The following ZNF3 variants were observed in gnomAD, a reference collection of about 807,000 sequenced individuals.
ZNF3 encodes zinc finger protein 3.
ZNF3 carries 16 observed loss-of-function variants against 36.9 expected under a neutral mutation model. The ratio of observed to expected loss-of-function variants is 0.43; its 90% CI spans 0.29 to 0.66. The LOEUF (loss-of-function observed/expected upper bound fraction) is 0.66. Among genes scored for constraint, ZNF3 ranks in the 30% least tolerant of loss-of-function variants. The pLI is 0.13. For synonymous variants in ZNF3, 201 were observed against 201.9 expected (o/e 1.00, Z 0.04); for missense variants, 462 against 543.1 (o/e 0.85, Z 1.48).
chr7:100,079,980 G>C (rs1156913959), intron 1 of ZNF3, among the ~76,000 whole-genome samples: 2 of 151,984 alleles, frequency 1.3e-5, no homozygotes, highest in Non-Finnish European at 2.9e-5. Flanking sequence ...TGGGATTACA[G>C]GCATGAGCCA....
intron 2 of ZNF3, chr7:100,079,249 A>AG (rs1168591365): frequency 6.6e-6 from 1 of 152,274 alleles, no homozygotes; most frequent in Non-Finnish European, 1.5e-5. Context: ...ACAAACTCCT[A>AG]GAAAGGCAGG....
downstream of ZNF3, among the ~76,000 whole-genome samples, chr7:100,065,671 C>T (rs1455087249): frequency 1.3e-5 from 2 of 151,682 alleles, no homozygotes; most frequent in Admixed American, 1.3e-4. Flanking sequence ...CTTTGATTGG[C>T]TGGGGAAGGG....
intron 3 of ZNF3, among the ~76,000 whole-genome samples, chr7:100,076,811 C>T (rs753744751): frequency 1.6e-4 from 24 of 152,142 alleles, no homozygotes; most frequent in Non-Finnish European, 2.2e-4. Context: ...AGTGGCCAGG[C>T]GCGGTGGGTC....
downstream of ZNF3, among the ~76,000 whole-genome samples, chr7:100,065,432 A>T (rs1792597694): frequency 6.6e-6 from 1 of 152,080 alleles, no homozygotes; most frequent in Admixed American, 6.6e-5. Context: ...TCAAAAAAAA[A>T]AAAAATAAAG....
chr7:100,079,921 T>G (rs1424152189), intron 1 of ZNF3, among the ~76,000 whole-genome samples: 1 of 152,100 alleles, frequency 6.6e-6, no homozygotes, highest in East Asian at 1.9e-4. Flanking sequence ...CAGGCTGGTC[T>G]CAATCTCCTG....
chr7:100,077,502 C>G, intron 2 of ZNF3, 69 bp from the exon 3 acceptor site: 2 of 1,467,530 alleles, frequency 1.4e-6, no homozygotes, highest in Middle Eastern at 3.8e-4. Context: ...AAGATGGGAG[C>G]TAGTATTTCA....
chr7:100,069,677 G>A (rs531085193), downstream of ZNF3, among the ~76,000 whole-genome samples: 20 of 151,464 alleles, frequency 1.3e-4, no homozygotes, highest in South Asian at 4.2e-3. Flanking sequence ...TCAATGGCGC[G>A]ATCTCAGCTC....
Position 100,071,982 on chromosome 7 carries a change from C to T in ZNF3, c.502G>A (p.Gly168Arg). The part of the protein sequence containing the change: ...VTVEEKLTPR[G>R]ERSEKYNDFG... ...TCATTATATTTCTCGCTTCTCTCTC[C>T]CCTGGGGGTTAGCTTCTCCTCAACT... The change falls in exon 6 of 6, where the codon GGA becomes AGA. Residue 168 changes from glycine (G) to arginine (R), a missense_variant. Transcript: ENST00000299667. The T allele has an allele frequency of 2.5e-6, 4 of 1,614,116 alleles. No individual in the cohort carries two copies. Among genetic ancestry groups the T allele is most frequent in the Non-Finnish European group, 3.4e-6 (4 of 1,179,998 alleles).
chr7:100,072,978 G>T (rs756139674), intron 5 of ZNF3, among the ~76,000 whole-genome samples: 1 of 152,256 alleles, frequency 6.6e-6, no homozygotes, highest in South Asian at 2.1e-4. Flanking sequence ...TGTTAGGGAC[G>T]GGAACGGCTG....
chr7:100,067,102 G>A (rs576477946), downstream of ZNF3, among the ~76,000 whole-genome samples: 3 of 152,264 alleles, frequency 2.0e-5, no homozygotes, highest in East Asian at 5.8e-4. Context: ...TGTCCACTTT[G>A]CCTGTGATAG....
intron 2 of ZNF3, 26 bp from the exon 3 acceptor site, chr7:100,077,459 A>G: frequency 6.3e-7 from 1 of 1,586,678 alleles, no homozygotes; most frequent in Non-Finnish European, 8.6e-7. Flanking sequence ...TTCAAGGTTC[A>G]AAGATAATTC....
chr7:100,071,548 G>A lies in ZNF3; in HGVS notation c.936C>T (p.Tyr312=), dbSNP rs370884324. ...AGGCCTTCCCACATTCATTGCAGGC[G>A]TAGGGTTTCTCACCAGTGTGGATTC... ...HQRIHTGEKP[Y]ACNECGKAFS... Residue 312 remains tyrosine (Y), a synonymous_variant, in exon 6 of 6, where the codon TAC becomes TAT. Coordinates refer to ENST00000299667, the MANE Select transcript of ZNF3 (RefSeq NM_032924.5). 3.8e-5 allele frequency: 62 copies of A among 1,612,256 alleles called. No homozygotes were observed. Among genetic ancestry groups the A allele is most frequent in the Middle Eastern group, 1.7e-4 (1 of 6,032 alleles).
chr7:100,072,217 C>G lies in ZNF3; in HGVS notation c.272-5G>C. 1 of 1,564,754 alleles carries G rather than the reference C, an allele frequency of 6.4e-7. No individual in the cohort carries two copies. Among genetic ancestry groups the G allele is most frequent in the Non-Finnish European group, 8.6e-7 (1 of 1,161,150 alleles). The stretch of plus-strand genomic sequence containing the variant: ...TTTCAGTCCTGGTCTCACGATCTGA[C>G]ACAATAAAAAATGCAAATGTCACTT... On this transcript the variant is annotated splice_polypyrimidine_tract_variant and splice_region_variant and intron_variant, in intron 5 of 5. Transcript: ENST00000299667.
At position 100,072,197 on chromosome 7, in the gene ZNF3, G is replaced by A. The variant is rs1236680689; in HGVS notation, c.287C>T (p.Thr96Ile). ...TTCAGAAATTTCTTGATCATTTTCA[G>A]TCCTGGTCTCACGATCTGACACAAT... ...NVFSLDRETR[T>I]ENDQEISEDT... The change falls in exon 6 of 6, where the codon ACT becomes ATT. Residue 96 changes from threonine to isoleucine, a missense_variant. By Grantham distance (89) the Thr-to-Ile change is moderately conservative. Transcript: ENST00000299667. 1 of 1,587,486 alleles carries A rather than the reference G, an allele frequency of 6.3e-7. No individual in the cohort carries two copies. Among genetic ancestry groups the A allele is most frequent in the Non-Finnish European group, 8.5e-7 (1 of 1,171,542 alleles).
chr7:100,064,780 G>T (rs1305405908), exon 6 of ZNF3: 1 of 1,614,166 alleles, frequency 6.2e-7, no homozygotes, highest in South Asian at 1.1e-5. Flanking sequence ...ATGGCAGGCA[G>T]GAGGTCCTCA....
At chr7:100,077,084 C>T in intron 3 of ZNF3, 1 of 526,282 alleles carries the variant, frequency 1.9e-6, no homozygotes, top group African/African-American at 1.9e-5. Flanking sequence ...AAAAACAAAA[C>T]AAAACAAAAC....
intron 3 of ZNF3, among the ~76,000 whole-genome samples, chr7:100,076,168 G>A (rs1013147717): frequency 6.6e-6 from 1 of 150,906 alleles, no homozygotes; most frequent in African/African-American, 2.4e-5. Flanking sequence ...AAAACCAGCA[G>A]CTTCACCCCA....
In ZNF3 at chr7:100,071,646, C is replaced by T; in HGVS notation, c.838G>A (p.Gly280Arg). ...ALILHRRIHT[G>R]EKPYECNECG... ...TCATTACATTCATAGGGTTTCTCCC[C>T]CGTGTGGATCCTCCGATGCAGAATG... The change falls in exon 6 of 6, where the codon GGG (glycine) becomes AGG (arginine). Residue 280 changes from glycine (G) to arginine (R), a missense_variant. Gly to Arg is a moderately radical substitution (Grantham distance 125, BLOSUM62 -2). Coordinates refer to ENST00000299667, the MANE Select transcript of ZNF3 (RefSeq NM_032924.5). The T allele has an allele frequency of 1.2e-6, 2 of 1,613,938 alleles. No homozygotes were observed. The highest frequency in any genetic ancestry group is 1.7e-6 in the Non-Finnish European group (2 of 1,179,912).
intron 5 of ZNF3, among the ~76,000 whole-genome samples, chr7:100,073,596 C>T (rs1207291518): frequency 2.6e-5 from 4 of 151,916 alleles, no homozygotes; most frequent in East Asian, 2.0e-4. Flanking sequence ...AGTATCTGCC[C>T]GCCTCAGTCT....
Sources: allele counts gnomAD v4.1 joint callset (sites outside exome capture counted in the v4.1 genomes callset), GRCh38; gene constraint gnomAD v4.1.1; transcripts MANE v1.5; gene names NCBI Gene and HGNC (gene_info 2026-07-23, HGNC 2026-07-21).